AMOT: variants seen among roughly 807,000 people sequenced by gnomAD.
AMOT encodes angiomotin.
In AMOT, 11 loss-of-function variants were observed where a neutral mutation model predicts 67.0. The observed-to-expected ratio is 0.16, with a 90% CI of 0.10 to 0.27. The LOEUF is 0.27. Ranked by LOEUF, AMOT falls within the 10% of genes least tolerant of loss-of-function variation. The probability of loss-of-function intolerance (pLI) is 1.00; values close to 1 mark genes in which losing one functional copy is unlikely to be tolerated. For synonymous variants in AMOT, 326 were observed against 321.4 expected (o/e 1.01, Z -0.15); for missense variants, 753 against 852.0 (o/e 0.88, Z 1.45).
At chrX:112,803,255 C>T (rs181339621) in intron 8 of AMOT, among the ~76,000 whole-genome samples, 2 of 111,841 alleles carry the variant, frequency 1.8e-5, no homozygotes, top group Admixed American at 1.9e-4. Context: ...TCATGAGATA[C>T]CAGTTTTATT....
chrX:112,779,859 A>C (rs1253716609), intron 12 of AMOT, among the ~76,000 whole-genome samples, 179 bp from the exon 13 acceptor site: 3 of 110,035 alleles, frequency 2.7e-5, no homozygotes, highest in African/African-American at 6.6e-5. Flanking sequence ...GAATAGTCTA[A>C]GTTATTTATT....
At chrX:112,815,997 G>C (rs1393491029) in intron 4 of AMOT, 120 bp from the exon 5 acceptor site, 2 of 998,130 alleles carry the variant, frequency 2.0e-6, no homozygotes, top group African/African-American at 3.9e-5. Flanking sequence ...AAAATGAAGA[G>C]CAGGCAGGGT....
chrX:112,815,783 G>C lies in AMOT; in HGVS notation c.967C>G (p.Leu323Val). 1 of 1,167,573 alleles carries C rather than the reference G, an allele frequency of 8.6e-7. No individual in the cohort carries two copies. The highest frequency in any genetic ancestry group is 1.1e-6 in the Non-Finnish European group (1 of 873,006). Reference sequence around the variant, plus strand: ...AATCTAGTGGATGGTGGAGATTGTAGCAAGGGCAAGGACCCCCCAGAGGTC... The same window carrying C: ...AATCTAGTGGATGGTGGAGATTGTACCAAGGGCAAGGACCCCCCAGAGGTC... ...SLTSGGSLPL[L>V]QSPPSTRLSP... Residue 323 changes from leucine to valine, a missense_variant, in exon 5 of 14, where the codon CTA (leucine) becomes GTA (valine). Leu to Val is a conservative substitution (Grantham distance 32). Around this residue, in one of 5 missense-constraint regions of AMOT, gnomAD observed 297 missense variants for 284.3 expected, o/e 1.04. Transcript: ENST00000371959.
chrX:112,828,034 AACAC>A (rs756729864), intron 2 of AMOT, among the ~76,000 whole-genome samples: 1 of 110,654 alleles, frequency 9.0e-6, no homozygotes, highest in African/African-American at 3.3e-5. Context: ...TATTTGTGCA[AACAC>A]ACACACACAC....
At chrX:112,840,217 G>C (rs1335283494) in intron 1 of AMOT, among the ~76,000 whole-genome samples, 3 of 111,528 alleles carry the variant, frequency 2.7e-5, no homozygotes, top group Non-Finnish European at 3.8e-5. Context: ...CCATCTAGTA[G>C]TGGTACCCAC....
At chrX:112,831,488 TA>T (rs1556248501) in intron 2 of AMOT, among the ~76,000 whole-genome samples, 1 of 103,151 alleles carries the variant, frequency 9.7e-6, no homozygotes, top group Non-Finnish European at 1.9e-5. Context: ...AATAAATAAA[TA>T]AAAAGAGAGC....
intron 3 of AMOT, 26 bp from the exon 4 acceptor site, chrX:112,823,214 A>G: frequency 1.1e-6 from 1 of 933,876 alleles, no homozygotes; most frequent in Non-Finnish European, 1.4e-6. Flanking sequence ...AGGAAGCTTA[A>G]CACCCAGTTG....
chrX:112,821,821 T>C (rs1934723401), intron 4 of AMOT, among the ~76,000 whole-genome samples: 1 of 112,335 alleles, frequency 8.9e-6, no homozygotes, highest in Non-Finnish European at 1.9e-5. Context: ...ACAGATTTGT[T>C]TGCAAAAATA....
rs1283885649 is a variant in AMOT at position 112,815,619 on chromosome X, C to T, written c.1131G>A (p.Gln377=). 5.0e-6 allele frequency: 6 copies of T among 1,204,915 alleles called. No individual in the cohort carries two copies. Among genetic ancestry groups the T allele is most frequent in the Non-Finnish European group, 6.7e-6 (6 of 892,091 alleles). ...GGTGCTGCTGCTGCTGTTGCTGCTGCTGCTGACTCAGGCCAGGTTGGGAGA... is the reference window on the plus strand; with the variant it reads ...GGTGCTGCTGCTGCTGTTGCTGCTGTTGCTGACTCAGGCCAGGTTGGGAGA... ...YRLSQPGLSQ[Q]QQQQQQQHHH... Residue 377 remains glutamine, a synonymous_variant, in exon 5 of 14, where the codon CAG becomes CAA. Transcript: ENST00000371959.
chrX:112,831,280 C>T (rs1369232567), intron 2 of AMOT, among the ~76,000 whole-genome samples: 3 of 109,740 alleles, frequency 2.7e-5, no homozygotes, highest in Non-Finnish European at 3.8e-5. Context: ...TCCATCTTCT[C>T]TTTGAAGATT....
chrX:112,779,538 C>T lies in AMOT; in HGVS notation c.2616G>A (p.Ser872=), dbSNP rs765360850. 5.8e-6 allele frequency: 7 copies of T among 1,211,033 alleles called. No individual in the cohort carries two copies. In the South Asian group the frequency reaches 8.8e-5, roughly 15 times the overall value. ...TGGGAGCAACAGCTGCAGTTTTGTT[C>T]GATTCCGTCCCACGTTCAGTTTGGG... is the stretch of plus-strand genomic sequence containing the variant. ...CSTQTERGTE[S]NKTAAVAPIS... The change falls in exon 13 of 14, where the codon TCG becomes TCA. Residue 872 remains serine (S), a synonymous_variant. Transcript: ENST00000371959.
rs781211955 is a variant in AMOT at position 112,809,874 on chromosome X, T to C, written c.1630+20A>G. On this transcript the variant is annotated intron_variant, in intron 7 of 13. Transcript: ENST00000371959. ...TCCCATCCACACGTTAATACCTGTT[T>C]CTGCAGCTTGCAGACTTACTTTTTG... 8.4e-7 allele frequency: 1 copy of C among 1,195,673 alleles called. No homozygotes were observed. Among genetic ancestry groups the C allele is most frequent in the Non-Finnish European group, 1.1e-6 (1 of 882,494 alleles).
chrX:112,823,631 T>G (rs965248606), intron 3 of AMOT, among the ~76,000 whole-genome samples: 4 of 111,932 alleles, frequency 3.6e-5, no homozygotes, highest in African/African-American at 1.3e-4. Flanking sequence ...CAGCTCAGCA[T>G]ATGAAGGCAG....
chrX:112,780,589 C>T (rs756190487), intron 12 of AMOT: 4 of 338,410 alleles, frequency 1.2e-5, no homozygotes, highest in Non-Finnish European at 2.1e-5. Flanking sequence ...TGGCAAAGGC[C>T]AAATCTGAGA....
chrX:112,813,069 G>C (rs965052323), intron 5 of AMOT, among the ~76,000 whole-genome samples: 1 of 112,608 alleles, frequency 8.9e-6, no homozygotes, highest in East Asian at 2.8e-4. Context: ...ATCTGAAAGA[G>C]CAGGCTTGGT....
Position 112,820,955 on chromosome X carries a change from G to GA in AMOT, c.872+1299dup, listed in dbSNP as rs374832239. Among the ~76,000 whole-genome samples the GA allele has an allele frequency of 5.5e-3, 513 of 93,345 alleles. 1 individual carries two copies. The highest frequency in any genetic ancestry group is 0.011 in the Middle Eastern group (2 of 174). The allele number at this position is 93,345 out of a possible 115,157, so 81.1% of individuals were successfully genotyped here. A position where few individuals can be genotyped will look rare whatever the true frequency, so the allele number is the denominator to read the frequency against. On this transcript the variant is annotated intron_variant, in intron 4 of 13. Coordinates refer to ENST00000371959, the MANE Select transcript of AMOT (RefSeq NM_001113490.2). The stretch of plus-strand genomic sequence containing the variant: ...TAGGAAATCAACCTGGGTTAAGAGG[G>GA]AAAAAAAAAAAAAAATCCTAAACTG...
In AMOT at chrX:112,777,646, C is replaced by G. The variant is rs1932972344; in HGVS notation, c.*921G>C. On this transcript the variant is annotated 3_prime_UTR_variant, in exon 14 of 14. Transcript: ENST00000371959. ...GAGACTGGAGACCCAGCCAGTGAAT[C>G]TGTGCTGTAGAAGAAATAAACACTA... 8.9e-6 allele frequency: 1 copy of G among 112,005 alleles called. No individual in the cohort carries two copies. Among genetic ancestry groups the G allele is most frequent in the African/African-American group, 3.2e-5 (1 of 30,796 alleles). 9.2% of individuals were successfully genotyped at this position (112,005 alleles called of 1,213,427 possible).
chrX:112,820,914 G>A (rs995583886), intron 4 of AMOT, among the ~76,000 whole-genome samples: 1 of 108,105 alleles, frequency 9.3e-6, no homozygotes, highest in Non-Finnish European at 1.9e-5. Context: ...GCTGCACAGA[G>A]GAGGTTGAAA....
intron 4 of AMOT, among the ~76,000 whole-genome samples, chrX:112,820,791 T>C (rs1934692773): frequency 9.0e-6 from 1 of 111,442 alleles, no homozygotes; most frequent in African/African-American, 3.3e-5. Context: ...TTCTGTTTCA[T>C]TGGTCAGATG....
Sources: gnomAD v4.1 joint callset for allele counts (sites outside exome capture counted in the v4.1 genomes callset) on GRCh38, gnomAD v4.1.1 for gene constraint, gnomAD v4.1.1 regional missense constraint, MANE v1.5 for transcripts, NCBI Gene and HGNC (gene_info 2026-07-23, HGNC 2026-07-21) for gene names.